EPM2A: variants seen among roughly 807,000 people sequenced by gnomAD.
The protein encoded by EPM2A is laforin.
In EPM2A, 21 loss-of-function variants were observed where a neutral mutation model predicts 26.5. The observed-to-expected ratio is 0.79, with a 90% confidence interval of 0.56 to 1.14. EPM2A has a LOEUF of 1.14. EPM2A is among the 50% of genes most tolerant of loss of function. EPM2A has a pLI of 0.00. For missense variants in EPM2A, 458 were observed against 440.8 expected (o/e 1.04, Z -0.35); for synonymous variants, 217 against 177.6 (o/e 1.22, Z -1.76).
At chr6:145,622,270 C>T (rs1377848432), downstream of EPM2A, among the ~76,000 whole-genome samples, 2 of 152,162 alleles carry the variant, frequency 1.3e-5, no homozygotes, top group South Asian at 2.1e-4. Context: ...TTCAATAGTT[C>T]TCTTTTACAA....
intron 2 of EPM2A, among the ~76,000 whole-genome samples, chr6:145,513,649 T>C (rs1030725722): frequency 6.6e-6 from 1 of 152,262 alleles, no homozygotes; most frequent in African/African-American, 2.4e-5. Flanking sequence ...TAAAGTTGAT[T>C]GCAGTAATGA....
chr6:145,435,204 G>T (rs973360934), intron 4 of EPM2A, among the ~76,000 whole-genome samples: 2 of 152,138 alleles, frequency 1.3e-5, no homozygotes, highest in African/African-American at 4.8e-5. Context: ...TGGAAGAAGT[G>T]AGGGAAGCAA....
intron 2 of EPM2A, among the ~76,000 whole-genome samples, chr6:145,510,185 G>A (rs549444657): frequency 6.3e-4 from 96 of 151,758 alleles, no homozygotes; most frequent in African/African-American, 2.2e-3. Context: ...AGCTCATTGA[G>A]ACAGAAAACT....
At position 145,735,336 on chromosome 6, in the gene EPM2A, G is replaced by C. The variant is rs187930476; in HGVS notation, c.163C>G (p.Gln55Glu). 2.2e-6 allele frequency: 3 copies of C among 1,383,102 alleles called. No individual in the cohort carries two copies. Among genetic ancestry groups the C allele is most frequent in the Non-Finnish European group, 2.8e-6 (3 of 1,060,732 alleles). 85.7% of individuals were successfully genotyped at this position (1,383,102 alleles called of 1,614,324 possible). Reference protein sequence around the residue: ...TAAGDGALALQEPGLWLGEVE... With the variant: ...TAAGDGALALEEPGLWLGEVE... ...TCCCCGAGCCACAGGCCCGGCTCCT[G>C]CAGGGCCAGGGCCCCGTCGCCCGCC... The change falls in exon 1 of 4, where the codon CAG (glutamine) becomes GAG (glutamate). Residue 55 changes from glutamine to glutamate, a missense_variant. Transcript: ENST00000367519.
At chr6:145,560,293 T>C (rs916307710) in intron 2 of EPM2A, among the ~76,000 whole-genome samples, 13 of 152,152 alleles carry the variant, frequency 8.5e-5, no homozygotes, top group African/African-American at 3.1e-4. Context: ...TCATCAGAAA[T>C]GTCTCATAGC....
At chr6:145,653,076 T>A (rs1778002172) in intron 2 of EPM2A, among the ~76,000 whole-genome samples, 1 of 152,214 alleles carries the variant, frequency 6.6e-6, no homozygotes, top group Non-Finnish European at 1.5e-5. Context: ...ACAATAATCA[T>A]CAAGCCTTTG....
intron 4 of EPM2A, among the ~76,000 whole-genome samples, chr6:145,426,017 T>A (rs1778850143): frequency 6.6e-6 from 1 of 152,210 alleles, no homozygotes; most frequent in Non-Finnish European, 1.5e-5. Context: ...ATTAAAATCT[T>A]TATACAATTT....
chr6:145,735,113 G>A, intron 1 of EPM2A, 85 bp downstream of exon 1: 3 of 1,040,356 alleles, frequency 2.9e-6, no homozygotes, highest in Non-Finnish European at 4.0e-6. Context: ...GGGGCCTGCG[G>A]GGCCTGCCCG....
intron 4 of EPM2A, among the ~76,000 whole-genome samples, chr6:145,442,601 AG>A (rs1779079598): frequency 6.6e-6 from 1 of 152,196 alleles, no homozygotes; most frequent in Non-Finnish European, 1.5e-5. Context: ...GTCCTTCCAC[AG>A]CTCAAGGGAA....
At chr6:145,703,163 C>T (rs1583085729) in intron 1 of EPM2A, among the ~76,000 whole-genome samples, 1 of 150,400 alleles carries the variant, frequency 6.6e-6, no homozygotes, top group East Asian at 2.0e-4. Flanking sequence ...CACCATCTCA[C>T]TCACTGCAAG....
chr6:145,602,188 C>T (rs1781425204), intron 2 of EPM2A, among the ~76,000 whole-genome samples: 1 of 152,152 alleles, frequency 6.6e-6, no homozygotes, highest in South Asian at 2.1e-4. Flanking sequence ...ACAACATTCA[C>T]ACACAAATGT....
intron 2 of EPM2A, among the ~76,000 whole-genome samples, chr6:145,656,895 C>T (rs1239887389): frequency 1.3e-5 from 2 of 152,094 alleles, no homozygotes; most frequent in Non-Finnish European, 2.9e-5. Context: ...TGAAAATGTA[C>T]TACTAAAGAT....
chr6:145,402,918 G>A (rs1349033736), intron 4 of EPM2A, among the ~76,000 whole-genome samples: 3 of 152,084 alleles, frequency 2.0e-5, no homozygotes, highest in Non-Finnish European at 2.9e-5. Flanking sequence ...AAGGATATGT[G>A]CATTTGCAAT....
chr6:145,388,279 G>A (rs956019954), intron 4 of EPM2A, among the ~76,000 whole-genome samples: 6 of 152,106 alleles, frequency 3.9e-5, no homozygotes, highest in African/African-American at 1.4e-4. Context: ...AAGATCCACA[G>A]AGTTCTTTTA....
chr6:145,419,001 G>A (rs1778745255), intron 4 of EPM2A, among the ~76,000 whole-genome samples: 1 of 152,172 alleles, frequency 6.6e-6, no homozygotes, highest in African/African-American at 2.4e-5. Flanking sequence ...GCATTTGACT[G>A]GCGAGTCAGA....
chr6:145,391,145 A>G (rs1408084094), intron 4 of EPM2A, among the ~76,000 whole-genome samples: 1 of 152,142 alleles, frequency 6.6e-6, no homozygotes, highest in Non-Finnish European at 1.5e-5. Flanking sequence ...CCACGATGAC[A>G]CAGGAAGTTG....
At position 145,724,913 on chromosome 6, in the gene EPM2A, C is replaced by T. The variant is rs9497400; in HGVS notation, c.301+10285G>A. Among the ~76,000 whole-genome samples, 803 of 151,824 alleles carry T rather than the reference C, an allele frequency of 5.3e-3. 4 individuals are homozygous for T. Among genetic ancestry groups the T allele is most frequent in the African/African-American group, 0.019 (767 of 41,452 alleles). On this transcript the variant is annotated intron_variant, in intron 1 of 3. Transcript: ENST00000367519. ...AAAATAACATAGGAGAAAAACTAGA[C>T]GCCCTTGGATTTGGAGAAGAGTTTT...
At chr6:145,437,020 A>T (rs946115497) in intron 4 of EPM2A, among the ~76,000 whole-genome samples, 3 of 152,106 alleles carry the variant, frequency 2.0e-5, no homozygotes, top group Non-Finnish European at 4.4e-5. Context: ...TGCTGAAAAG[A>T]CATTTATTTG....
At chr6:145,451,053 C>G (rs554328974) in intron 4 of EPM2A, among the ~76,000 whole-genome samples, 1 of 152,170 alleles carries the variant, frequency 6.6e-6, no homozygotes, top group Non-Finnish European at 1.5e-5. Flanking sequence ...GTCAGCCTCT[C>G]ACTTCAAGAA....
Sources: allele counts gnomAD v4.1 joint callset (sites outside exome capture counted in the v4.1 genomes callset), GRCh38; gene constraint gnomAD v4.1.1; transcripts MANE v1.5; gene names NCBI Gene and HGNC (gene_info 2026-07-23, HGNC 2026-07-21).